NME8: variants seen among roughly 807,000 people sequenced by gnomAD.
NME8 encodes the protein NME/NM23 family member 8.
In NME8, 72 loss-of-function variants were observed where a neutral mutation model predicts 82.3. That is an observed-to-expected ratio of 0.87 (90% CI 0.72 to 1.06). NME8 has a LOEUF of 1.06. Among genes scored for constraint, NME8 ranks in the 50% least tolerant of loss-of-function variants. NME8 has a pLI of 0.00. For synonymous variants in NME8, 267 were observed against 228.5 expected (o/e 1.17, Z -1.52); for missense variants, 712 against 685.4 (o/e 1.04, Z -0.43).
chr7:37,881,405 C>T (rs1784942563), intron 12 of NME8, among the ~76,000 whole-genome samples: 1 of 152,142 alleles, frequency 6.6e-6, no homozygotes, highest in African/African-American at 2.4e-5. Context: ...TCTGCATCTA[C>T]TAACATAATC....
intron 2 of NME8, 105 bp from the exon 3 acceptor site, chr7:37,850,155 C>A (rs1784417688): frequency 1.2e-6 from 1 of 816,958 alleles, no homozygotes; most frequent in Non-Finnish European, 2.1e-6. Context: ...CTACTATGTA[C>A]CCACAAAAAT....
At chr7:37,876,702 T>A in intron 11 of NME8, 130 bp from the exon 12 acceptor site, 2 of 686,010 alleles carry the variant, frequency 2.9e-6, no homozygotes. Flanking sequence ...ATGCAATTTA[T>A]CTTTACATGA....
At chr7:37,868,824 C>A (rs550972787) in intron 11 of NME8, among the ~76,000 whole-genome samples, 1 of 152,172 alleles carries the variant, frequency 6.6e-6, no homozygotes, top group African/African-American at 2.4e-5. Context: ...GAGAACAAAA[C>A]GGTTGTATAT....
intron 5 of NME8, among the ~76,000 whole-genome samples, chr7:37,856,265 GTGGTGATATT>G (rs1440154269): frequency 1.3e-5 from 2 of 152,208 alleles, no homozygotes; most frequent in Non-Finnish European, 2.9e-5. Flanking sequence ...AATCTCCAAT[GTGGTGATATT>G]TGGAGATGGA....
intron 7 of NME8, 22 bp from the exon 8 acceptor site, chr7:37,863,374 G>A (rs747027125): frequency 2.8e-6 from 4 of 1,423,042 alleles, no homozygotes; most frequent in Non-Finnish European, 4.0e-6. Context: ...TGTTATCTTT[G>A]CATTGCATTT....
chr7:37,886,852 G>A (rs753000436), intron 14 of NME8, among the ~76,000 whole-genome samples: 1 of 143,552 alleles, frequency 7.0e-6, no homozygotes, highest in Non-Finnish European at 1.6e-5. Flanking sequence ...GAAAGGTCAA[G>A]GTGATAAGGC....
In NME8 at chr7:37,888,325, T is replaced by G. The variant is rs778433179; in HGVS notation, c.1296T>G (p.Tyr432Ter). 1 of 1,613,560 alleles carries G rather than the reference T, an allele frequency of 6.2e-7. No homozygotes were observed. Among genetic ancestry groups the G allele is most frequent in the Non-Finnish European group, 8.5e-7 (1 of 1,179,694 alleles). Reference sequence around the variant, plus strand: ...ACAGTTTGCCGGTCAACCAGTTGTATGGCAGCGATTCATTAGAAACCGCTG... The same window carrying G: ...ACAGTTTGCCGGTCAACCAGTTGTAGGGCAGCGATTCATTAGAAACCGCTG... Reference protein sequence around the residue: ...AMDSLPVNQLYGSDSLETAER... With the variant: ...AMDSLPVNQL The change falls in exon 15 of 18, where the codon TAT becomes TAG. Residue 432 changes from tyrosine (Y) to a stop codon, truncating the protein, a stop_gained. Transcript: ENST00000199447. LOFTEE classifies it high-confidence loss of function.
intron 14 of NME8, among the ~76,000 whole-genome samples, chr7:37,885,836 T>C (rs935765): frequency 0.47 from 71,206 of 151,998 alleles, 17,132 homozygotes; most frequent in East Asian, 0.74. Context: ...CATCTCCATA[T>C]TTGGCATGAA....
intron 15 of NME8, among the ~76,000 whole-genome samples, chr7:37,892,687 C>T (rs978300365): frequency 1.3e-5 from 2 of 151,844 alleles, no homozygotes; most frequent in African/African-American, 4.8e-5. Context: ...CATTAGACAC[C>T]TAGTTTATTT....
intron 11 of NME8, among the ~76,000 whole-genome samples, chr7:37,871,992 T>C (rs1410842139): frequency 6.6e-6 from 1 of 152,060 alleles, no homozygotes; most frequent in Admixed American, 6.6e-5. Flanking sequence ...TGGCTGTCAG[T>C]GAGGTCTGGA....
At chr7:37,867,968 C>A in intron 11 of NME8, 70 bp downstream of exon 11, 1 of 1,301,376 alleles carries the variant, frequency 7.7e-7, no homozygotes, top group Non-Finnish European at 1.1e-6. Flanking sequence ...GTGTAGGCAC[C>A]TCAGTACCTA....
chr7:37,892,952 T>C (rs960890209), intron 15 of NME8, among the ~76,000 whole-genome samples: 1 of 152,130 alleles, frequency 6.6e-6, no homozygotes, highest in African/African-American at 2.4e-5. Context: ...GGGGAATAAA[T>C]TTTTTAATTA....
chr7:37,893,121 G>C (rs1187865685), intron 15 of NME8, among the ~76,000 whole-genome samples: 1 of 152,050 alleles, frequency 6.6e-6, no homozygotes, highest in African/African-American at 2.4e-5. Context: ...GGGTGAATCT[G>C]TCTCACTACC....
chr7:37,866,619 AG>A (rs1784685887), intron 10 of NME8, among the ~76,000 whole-genome samples: 1 of 152,198 alleles, frequency 6.6e-6, no homozygotes, highest in African/African-American at 2.4e-5. Context: ...AATTCCTACT[AG>A]CTTTGAACTT....
chr7:37,850,281 A>G lies in NME8; in HGVS notation c.15A>G (p.Lys5=). 1 of 1,614,172 alleles carries G rather than the reference A, an allele frequency of 6.2e-7. No homozygotes were observed. The highest frequency in any genetic ancestry group is 8.5e-7 in the Non-Finnish European group (1 of 1,179,976). The part of the protein sequence containing the change: MASK[K]REVQLQTVIN... ...ATAGTAGATAAATGGCAAGCAAAAA[A>G]CGAGAAGTCCAGTTACAGGTGGGTC... The change falls in exon 3 of 18, where the codon AAA becomes AAG. Residue 5 remains lysine (K), a synonymous_variant. Transcript: ENST00000199447.
At chr7:37,877,036 T>C in intron 12 of NME8, 29 bp downstream of exon 12, 1 of 1,560,380 alleles carries the variant, frequency 6.4e-7, no homozygotes, top group Non-Finnish European at 8.8e-7. Flanking sequence ...ATTGTTTAAG[T>C]ATTTTATATA....
intron 8 of NME8, 106 bp from the exon 9 acceptor site, chr7:37,864,242 A>T (rs1784640255): frequency 7.3e-7 from 1 of 1,370,990 alleles, no homozygotes; most frequent in Non-Finnish European, 1.0e-6. Context: ...AATGGGCAAC[A>T]ATTAACTGAT....
intron 12 of NME8, among the ~76,000 whole-genome samples, chr7:37,884,096 G>C (rs1200711572): frequency 6.6e-6 from 1 of 151,968 alleles, no homozygotes; most frequent in Admixed American, 6.6e-5. Context: ...ATTCCTATAC[G>C]ATGAAAAATT....
chr7:37,893,498 C>G (rs958067063), intron 15 of NME8, among the ~76,000 whole-genome samples: 2 of 152,090 alleles, frequency 1.3e-5, no homozygotes, highest in Non-Finnish European at 2.9e-5. Flanking sequence ...ATATTTTCAC[C>G]CAGTCACTTC....
Sources: gnomAD v4.1 joint callset for allele counts (sites outside exome capture counted in the v4.1 genomes callset) on GRCh38, gnomAD v4.1.1 for gene constraint, MANE v1.5 for transcripts, NCBI Gene and HGNC (gene_info 2026-07-23, HGNC 2026-07-21) for gene names.